Variants in TVP23C observed in about 807,000 individuals in gnomAD.
TVP23C encodes the protein Golgi apparatus membrane protein TVP23 homolog C.
A neutral mutation model predicts 28.7 loss-of-function variants in TVP23C; 19 were observed. The observed-to-expected ratio is 0.66, with a 90% CI of 0.46 to 0.97. The LOEUF (loss-of-function observed/expected upper bound fraction) is 0.97, where lower values mean the gene tolerates loss of function less well. Ranked by LOEUF, TVP23C falls within the 50% of genes least tolerant of loss-of-function variation. The probability of loss-of-function intolerance (pLI) is 0.00; values close to 1 mark genes in which losing one functional copy is unlikely to be tolerated. For synonymous variants in TVP23C, 68 were observed against 81.7 expected, an observed-to-expected ratio of 0.83 and a Z score of 0.90; for missense variants, 186 against 241.3, an observed-to-expected ratio of 0.77 and a Z score of 1.52.
At chr17:15,505,984 C>T (rs991498370) in intron 5 of TVP23C, among the ~76,000 whole-genome samples, 14 of 152,226 alleles carry the variant, frequency 9.2e-5, no homozygotes, top group African/African-American at 2.7e-4. Flanking sequence ...GCTCCATGGG[C>T]TCCTGTGCGG....
chr17:15,535,385 T>C (rs920287519), downstream of TVP23C, among the ~76,000 whole-genome samples: 2 of 149,556 alleles, frequency 1.3e-5, no homozygotes, highest in Non-Finnish European at 3.0e-5. Context: ...TGTGAAGAAG[T>C]CAAATGTGCC....
At chr17:15,519,821 G>C (rs1371496888) in intron 5 of TVP23C, among the ~76,000 whole-genome samples, 1 of 152,156 alleles carries the variant, frequency 6.6e-6, no homozygotes, top group African/African-American at 2.4e-5. Flanking sequence ...AGAATGGCAT[G>C]AACCCGGGAG....
intron 5 of TVP23C, among the ~76,000 whole-genome samples, chr17:15,524,063 GGTGTGTGTGTGTGTGTGTGTGTGTGT>G (rs10578424): frequency 4.4e-5 from 6 of 136,262 alleles, no homozygotes; most frequent in Non-Finnish European, 7.9e-5. Flanking sequence ...AGCAGAGTGG[GGTGTGTGTGTGTGTGTGTGTGTGTGT>G]GTGTGTGTGT....
At chr17:15,562,300 C>T (rs1984434803) in intron 1 of TVP23C, 1 of 152,706 alleles carries the variant, frequency 6.5e-6, no homozygotes, top group Non-Finnish European at 1.5e-5. Context: ...CTCACTGCAA[C>T]CTCGGCCTCC....
chr17:15,526,897 T>C (rs1385168574), intron 5 of TVP23C, among the ~76,000 whole-genome samples: 1 of 152,218 alleles, frequency 6.6e-6, no homozygotes, highest in African/African-American at 2.4e-5. Flanking sequence ...ATGAATGCTA[T>C]AGTAAGTTAC....
In TVP23C at chr17:15,545,822, G is replaced by A; in HGVS notation, c.425C>T (p.Ala142Val). 1.2e-6 allele frequency: 2 copies of A among 1,614,004 alleles called. No homozygotes were observed. The highest frequency in any genetic ancestry group is 1.7e-6 in the Non-Finnish European group (2 of 1,179,956). The change falls in exon 5 of 6, where the codon GCC (alanine) becomes GTC (valine). Residue 142 changes from alanine to valine, a missense_variant. By Grantham distance (64) the Ala-to-Val change is moderately conservative. This residue lies in a region of TVP23C where 74 missense variants were observed against 96.0 expected (regional missense o/e 0.77). Transcript: ENST00000518321. ...TGTGAAGGAGAAGAGTGCACTAAAG[G>A]CAAATATCACCCACAGTACTGAACA... ...IACSVLWVIF[A>V]FSALFSFTVK...
chr17:15,555,484 G>T, intron 1 of TVP23C, 120 bp from the exon 2 acceptor site: 1 of 1,452,600 alleles, frequency 6.9e-7, no homozygotes, highest in Non-Finnish European at 9.3e-7. Flanking sequence ...ACAGCATCAG[G>T]AATTCAAAAC....
At chr17:15,503,276 G>C (rs1844026296) in intron 5 of TVP23C, 1 of 1,445,644 alleles carries the variant, frequency 6.9e-7, no homozygotes, top group South Asian at 1.5e-5. Flanking sequence ...GTGTAGTGGC[G>C]CGCCTGTGGT....
At chr17:15,541,231 A>G (rs920458107) in intron 5 of TVP23C, among the ~76,000 whole-genome samples, 3 of 152,216 alleles carry the variant, frequency 2.0e-5, no homozygotes, top group Admixed American at 6.5e-5. Context: ...AAAAATTTCT[A>G]ATTAATCTTA....
At chr17:15,508,095 GTCTGACCATTCAGTCAGA>G (rs1161635091) in intron 5 of TVP23C, among the ~76,000 whole-genome samples, 1 of 152,132 alleles carries the variant, frequency 6.6e-6, no homozygotes, top group Admixed American at 6.5e-5. Context: ...AATACTTGTG[GTCTGACCATTCAGTCAGA>G]TCAACCCAGA....
At chr17:15,515,663 C>T (rs987818652) in intron 5 of TVP23C, among the ~76,000 whole-genome samples, 1 of 152,172 alleles carries the variant, frequency 6.6e-6, no homozygotes, top group Admixed American at 6.5e-5. Flanking sequence ...AGTCTCTGAA[C>T]ACCACAGCCA....
chr17:15,507,747 G>A (rs886629829), intron 5 of TVP23C, among the ~76,000 whole-genome samples: 1 of 152,100 alleles, frequency 6.6e-6, no homozygotes, highest in Non-Finnish European at 1.5e-5. Context: ...GCTGATGCAG[G>A]AGAATGGCGT....
rs148962251 is a variant in TVP23C, at chr17:15,545,839, T to C, written c.408A>G (p.Val136=). The change falls in exon 5 of 6, where the codon GTA becomes GTG. Residue 136 remains valine, a synonymous_variant. Coordinates refer to ENST00000518321, the MANE Select transcript of TVP23C (RefSeq NM_001135036.2). ...IFWLGLIACS[V]LWVIFAFSAL... ...CACTAAAGGCAAATATCACCCACAG[T>C]ACTGAACAGGCAATAAGTCCCAACC... The C allele has an allele frequency of 9.9e-4, 1,606 of 1,614,078 alleles. 7 individuals carry two copies. Among genetic ancestry groups the C allele is most frequent in the Non-Finnish European group, 2.2e-4 (263 of 1,179,914 alleles).
chr17:15,510,259 G>C (rs1981943577), intron 5 of TVP23C, among the ~76,000 whole-genome samples: 1 of 152,142 alleles, frequency 6.6e-6, no homozygotes. Flanking sequence ...AGACCCGAGG[G>C]ACTAAGACTT....
At chr17:15,512,605 C>G (rs945699773) in intron 5 of TVP23C, among the ~76,000 whole-genome samples, 1 of 152,210 alleles carries the variant, frequency 6.6e-6, no homozygotes, top group African/African-American at 2.4e-5. Flanking sequence ...AATCCCCAAA[C>G]TACTAGAAGC....
At chr17:15,513,674 A>T (rs144356774) in intron 5 of TVP23C, among the ~76,000 whole-genome samples, 1 of 152,316 alleles carries the variant, frequency 6.6e-6, no homozygotes, top group African/African-American at 2.4e-5. Context: ...CCAGGAGGTT[A>T]GTATCCACCA....
At chr17:15,560,157 T>C (rs1026688291) in intron 1 of TVP23C, among the ~76,000 whole-genome samples, 7 of 149,446 alleles carry the variant, frequency 4.7e-5, no homozygotes, top group Non-Finnish European at 7.5e-5. Flanking sequence ...CCTCCCGGGT[T>C]CAAGGGACTC....
intron 1 of TVP23C, among the ~76,000 whole-genome samples, chr17:15,556,422 C>T (rs1597548558): frequency 6.9e-6 from 1 of 145,932 alleles, no homozygotes; most frequent in Non-Finnish European, 1.5e-5. Context: ...AGTGCAGTGG[C>T]GTGGCCTCAA....
downstream of TVP23C, among the ~76,000 whole-genome samples, chr17:15,536,529 A>T (rs1983164330): frequency 6.6e-6 from 1 of 152,216 alleles, no homozygotes; most frequent in African/African-American, 2.4e-5. Context: ...CTGTAGAAGG[A>T]GAAAAACGAA....
Sources: allele counts gnomAD v4.1 joint callset (sites outside exome capture counted in the v4.1 genomes callset), GRCh38; gene constraint gnomAD v4.1.1; regional missense constraint gnomAD v4.1.1; transcripts MANE v1.5; gene names NCBI Gene and HGNC (gene_info 2026-07-23, HGNC 2026-07-21).